The following MTUS2 variants were observed in gnomAD, a reference collection of about 807,000 sequenced individuals.
The protein encoded by MTUS2 is microtubule-associated tumor suppressor candidate 2.
In MTUS2, 40 loss-of-function variants were observed where a neutral mutation model predicts 114.1. The ratio of observed to expected loss-of-function variants is 0.35; its 90% CI spans 0.27 to 0.46. The LOEUF (loss-of-function observed/expected upper bound fraction) is 0.46, where lower values mean the gene tolerates loss of function less well. Ranked by LOEUF, MTUS2 falls within the 20% of genes least tolerant of loss-of-function variation. The pLI is 1.00. For synonymous variants in MTUS2, 688 were observed against 672.0 expected (o/e 1.02, Z -0.37); for missense variants, 1,679 against 1,705.4 (o/e 0.98, Z 0.27).
chr13:29,128,855 A>G (rs1891632099), intron 5 of MTUS2, among the ~76,000 whole-genome samples: 1 of 152,192 alleles, frequency 6.6e-6, no homozygotes, highest in Non-Finnish European at 1.5e-5. Flanking sequence ...TGTTTCATAT[A>G]TATAAAACTG....
At chr13:29,450,040 C>G (rs1337146563) in intron 9 of MTUS2, among the ~76,000 whole-genome samples, 1 of 152,208 alleles carries the variant, frequency 6.6e-6, no homozygotes, top group African/African-American at 2.4e-5. Flanking sequence ...GCCCCCCGAC[C>G]ACGGTGCAGT....
At chr13:28,945,426 G>A (rs1055697645) in intron 2 of MTUS2, among the ~76,000 whole-genome samples, 1 of 152,062 alleles carries the variant, frequency 6.6e-6, no homozygotes, top group Admixed American at 6.6e-5. Context: ...CACAGAGGTT[G>A]TACTAATTTA....
chr13:28,852,508 C>G (rs961569186), intron 2 of MTUS2, among the ~76,000 whole-genome samples: 5 of 152,130 alleles, frequency 3.3e-5, no homozygotes, highest in African/African-American at 1.2e-4. Flanking sequence ...TTCCAGGACT[C>G]TATTTTGAGA....
chr13:29,131,380 A>T (rs1013732372), intron 5 of MTUS2, among the ~76,000 whole-genome samples: 4 of 152,250 alleles, frequency 2.6e-5, no homozygotes, highest in Admixed American at 2.6e-4. Flanking sequence ...GATATGAGAC[A>T]GCTAACTTAG....
At chr13:29,042,144 G>A (rs528433339) in intron 4 of MTUS2, among the ~76,000 whole-genome samples, 1 of 152,072 alleles carries the variant, frequency 6.6e-6, no homozygotes, top group East Asian at 1.9e-4. Flanking sequence ...TGTCCTTTCC[G>A]TGCTGATTTT....
At chr13:29,362,790 A>G (rs1870376889) in intron 8 of MTUS2, among the ~76,000 whole-genome samples, 2 of 152,244 alleles carry the variant, frequency 1.3e-5, no homozygotes, top group Non-Finnish European at 2.9e-5. Flanking sequence ...TAATTTAAAT[A>G]TGTGTTGGAA....
At chr13:29,050,123 A>G (rs1410026023) in intron 4 of MTUS2, among the ~76,000 whole-genome samples, 1 of 151,994 alleles carries the variant, frequency 6.6e-6, no homozygotes, top group African/African-American at 2.4e-5. Flanking sequence ...CCTTACCTAC[A>G]CACAACTGCT....
intron 8 of MTUS2, among the ~76,000 whole-genome samples, chr13:29,388,080 A>G (rs771491471): frequency 6.6e-6 from 1 of 152,058 alleles, no homozygotes; most frequent in Admixed American, 6.6e-5. Context: ...CCCTACCCCC[A>G]GAGCCCAAGA....
At chr13:29,214,059 A>G (rs1566070434) in intron 5 of MTUS2, among the ~76,000 whole-genome samples, 1 of 152,152 alleles carries the variant, frequency 6.6e-6, no homozygotes, top group South Asian at 2.1e-4. Flanking sequence ...AAGTGGTATT[A>G]TATCACTTTA....
In MTUS2 at chr13:29,359,473, G is replaced by A; in HGVS notation, c.3117G>A (p.Lys1039=). 6.2e-7 allele frequency: 1 copy of A among 1,607,980 alleles called. No individual in the cohort carries two copies. The highest frequency in any genetic ancestry group is 8.5e-7 in the Non-Finnish European group (1 of 1,178,004). ...LAVATQHFFR[K]NESALVKEKE... ...TGGCCACGCAGCATTTCTTTAGAAAGGTGAGGCCCCATTTCGTGAAGGTCC... is the reference window on the plus strand; with the variant it reads ...TGGCCACGCAGCATTTCTTTAGAAAAGTGAGGCCCCATTTCGTGAAGGTCC... The change falls in exon 8 of 16, where the codon AAG becomes AAA. Residue 1039 remains lysine (K), a splice_region_variant and synonymous_variant. Coordinates refer to ENST00000612955, the MANE Select transcript of MTUS2 (RefSeq NM_001033602.4).
chr13:28,910,786 G>A (rs1403759368), intron 2 of MTUS2, among the ~76,000 whole-genome samples: 5 of 148,430 alleles, frequency 3.4e-5, no homozygotes, highest in Non-Finnish European at 7.4e-5. Flanking sequence ...TATCATTGAT[G>A]GGCATTTGGG....
At chr13:29,429,764 C>G (rs1462750643) in intron 8 of MTUS2, among the ~76,000 whole-genome samples, 1 of 152,304 alleles carries the variant, frequency 6.6e-6, no homozygotes, top group East Asian at 1.9e-4. Flanking sequence ...CTTCTTCCTA[C>G]TCATGTGGAC....
At chr13:28,888,107 A>G (rs1462466931) in intron 2 of MTUS2, among the ~76,000 whole-genome samples, 1 of 151,996 alleles carries the variant, frequency 6.6e-6, no homozygotes, top group Non-Finnish European at 1.5e-5. Flanking sequence ...TAATCCTGGG[A>G]CCCTATAAAA....
chr13:29,157,940 C>T (rs546099209), intron 5 of MTUS2, among the ~76,000 whole-genome samples: 3 of 152,156 alleles, frequency 2.0e-5, no homozygotes, highest in South Asian at 2.1e-4. Context: ...AGTGGGTCTA[C>T]GTGACAAAAT....
chr13:28,845,096 G>A (rs7999584), intron 2 of MTUS2, among the ~76,000 whole-genome samples: 7,868 of 152,038 alleles, frequency 0.052, 282 homozygotes, highest in African/African-American at 0.1. Flanking sequence ...TAAGACTATA[G>A]GCAAGTGTCA....
intron 14 of MTUS2, among the ~76,000 whole-genome samples, chr13:29,499,654 A>C (rs558903266): frequency 1.3e-5 from 2 of 152,342 alleles, no homozygotes; most frequent in African/African-American, 4.8e-5. Context: ...TATACTGTAT[A>C]AGTGTTTTAT....
At chr13:29,381,626 A>T (rs189221889) in intron 8 of MTUS2, among the ~76,000 whole-genome samples, 65 of 152,328 alleles carry the variant, frequency 4.3e-4, no homozygotes, top group Admixed American at 7.8e-4. Context: ...TTAAATTGGA[A>T]CAGGGCTGGG....
intron 5 of MTUS2, among the ~76,000 whole-genome samples, chr13:29,171,266 A>G (rs995846513): frequency 6.6e-6 from 1 of 152,166 alleles, no homozygotes; most frequent in Admixed American, 6.5e-5. Flanking sequence ...CTATTCTTCA[A>G]TGCTTCATGG....
intron 5 of MTUS2, among the ~76,000 whole-genome samples, chr13:29,181,899 C>T (rs1266052493): frequency 6.6e-6 from 1 of 151,632 alleles, no homozygotes; most frequent in Non-Finnish European, 1.5e-5. Context: ...AACAGATACT[C>T]TTCTGGTATG....
Sources: allele counts gnomAD v4.1 joint callset (sites outside exome capture counted in the v4.1 genomes callset), GRCh38; gene constraint gnomAD v4.1.1; transcripts MANE v1.5; gene names NCBI Gene and HGNC (gene_info 2026-07-23, HGNC 2026-07-21).